The following SLC20A2 variants were observed in gnomAD, a reference collection of about 807,000 sequenced individuals.
The protein encoded by SLC20A2 is solute carrier family 20 member 2, also known as sodium-dependent phosphate transporter 2.
SLC20A2 carries 30 observed loss-of-function variants against 61.0 expected under a neutral mutation model. The ratio of observed to expected loss-of-function variants is 0.49; its 90% CI spans 0.37 to 0.67. The LOEUF (loss-of-function observed/expected upper bound fraction) is 0.67, where lower values mean the gene tolerates loss of function less well. Ranked by LOEUF, SLC20A2 falls within the 30% of genes least tolerant of loss-of-function variation. The pLI is 0.00. For missense variants in SLC20A2, 626 were observed against 866.4 expected (o/e 0.72, Z 3.48); for synonymous variants, 351 against 353.3 (o/e 0.99, Z 0.07).
At chr8:42,439,168 T>C (rs1456578984) in intron 7 of SLC20A2, among the ~76,000 whole-genome samples, 3 of 152,234 alleles carry the variant, frequency 2.0e-5, no homozygotes, top group African/African-American at 7.2e-5. Context: ...TCTGCATATG[T>C]AGCTGAGTGG....
intron 1 of SLC20A2, among the ~76,000 whole-genome samples, chr8:42,510,942 T>A (rs770642666): frequency 2.0e-5 from 3 of 152,044 alleles, no homozygotes; most frequent in African/African-American, 7.2e-5. Flanking sequence ...CTATATAAAG[T>A]AATGATGAAG....
chr8:42,454,867 G>A (rs1308451020), intron 5 of SLC20A2, among the ~76,000 whole-genome samples: 1 of 151,948 alleles, frequency 6.6e-6, no homozygotes, highest in Non-Finnish European at 1.5e-5. Flanking sequence ...ACCATGACCA[G>A]CCCAGATTTT....
In SLC20A2 at chr8:42,521,123, A is replaced by T. The variant is rs1228420851; in HGVS notation, c.-265+20698T>A. 3.3e-5 allele frequency among the ~76,000 whole-genome samples: 4 copies of T among 121,964 alleles called. 1 individual carries two copies. Among genetic ancestry groups the T allele is most frequent in the African/African-American group, 1.0e-4 (4 of 39,574 alleles). 80.0% of individuals were successfully genotyped at this position (121,964 alleles called of 152,430 possible). A position where few individuals can be genotyped will look rare whatever the true frequency, so the allele number is the denominator to read the frequency against. On this transcript the variant is annotated intron_variant, in intron 1 of 10. Coordinates refer to the SLC20A2 transcript ENST00000342228. ...ACTCTTCAGCATTTTTCCCACAGAAATGAAAACTTAGGTCCACAGAAAAAC... is the reference window on the plus strand; with the variant it reads ...ACTCTTCAGCATTTTTCCCACAGAATTGAAAACTTAGGTCCACAGAAAAAC...
intron 1 of SLC20A2, among the ~76,000 whole-genome samples, chr8:42,516,227 T>C (rs1811314646): frequency 6.6e-6 from 1 of 152,222 alleles, no homozygotes; most frequent in African/African-American, 2.4e-5. Context: ...AAATCGGTTA[T>C]TTTTCAATTC....
intron 1 of SLC20A2, among the ~76,000 whole-genome samples, chr8:42,532,427 AAAT>A (rs1316941433): frequency 2.0e-5 from 3 of 152,178 alleles, no homozygotes; most frequent in Admixed American, 6.6e-5. Context: ...ACAAACTCTT[AAAT>A]AAAGGGCTGA....
intron 5 of SLC20A2, among the ~76,000 whole-genome samples, chr8:42,451,396 G>A (rs1805631279): frequency 6.7e-6 from 1 of 148,852 alleles, no homozygotes; most frequent in Non-Finnish European, 1.5e-5. Context: ...AGGAGGAGGA[G>A]GAAGAGATAG....
At chr8:42,536,371 T>TGC (rs1024642712) in intron 1 of SLC20A2, 5 of 152,346 alleles carry the variant, frequency 3.3e-5, no homozygotes, top group Non-Finnish European at 7.3e-5. Context: ...CGTGTGTGTG[T>TGC]CCTCCCTGGC....
intron 6 of SLC20A2, among the ~76,000 whole-genome samples, chr8:42,444,361 T>A (rs1310905912): frequency 2.0e-5 from 3 of 152,226 alleles, no homozygotes; most frequent in Non-Finnish European, 4.4e-5. Context: ...TTAATTTGCA[T>A]TTCTATGAAG....
At chr8:42,514,583 C>G (rs1291523929) in intron 1 of SLC20A2, among the ~76,000 whole-genome samples, 4 of 151,922 alleles carry the variant, frequency 2.6e-5, no homozygotes, top group Admixed American at 2.0e-4. Context: ...CATGGTGAAA[C>G]CCCATCTCTA....
intron 1 of SLC20A2, among the ~76,000 whole-genome samples, chr8:42,496,454 C>T (rs1809934799): frequency 6.6e-6 from 1 of 152,104 alleles, no homozygotes; most frequent in African/African-American, 2.4e-5. Flanking sequence ...GAAGAGAGAG[C>T]AGAGAGATGA....
chr8:42,472,354 C>T lies in SLC20A2; in HGVS notation c.37G>A (p.Gly13Ser). ...GCCAAGATGAAAGCTATGATGAAACCCAAAATGACCATCCACAAATACTCA... is the reference window on the plus strand; with the variant it reads ...GCCAAGATGAAAGCTATGATGAAACTCAAAATGACCATCCACAAATACTCA... ...MDEYLWMVIL[G>S]FIIAFILAFS... Residue 13 changes from glycine (G) to serine (S), a missense_variant, in exon 2 of 11, where the codon GGT becomes AGT. Coordinates refer to ENST00000520262, the MANE Select transcript of SLC20A2 (RefSeq NM_001257180.2). The surrounding 1 kb of genome is among the most constrained non-coding windows in gnomAD (Gnocchi z 4.1). 4.3e-6 allele frequency: 7 copies of T among 1,614,030 alleles called. No homozygotes were observed. The highest frequency in any genetic ancestry group is 5.9e-6 in the Non-Finnish European group (7 of 1,179,966).
chr8:42,456,564 C>T (rs1806211995), intron 5 of SLC20A2, among the ~76,000 whole-genome samples: 1 of 152,016 alleles, frequency 6.6e-6, no homozygotes, highest in African/African-American at 2.4e-5. Flanking sequence ...AACCCCGTCT[C>T]TACTAAAAAT....
At chr8:42,528,044 A>G (rs902450276) in intron 1 of SLC20A2, among the ~76,000 whole-genome samples, 8 of 152,202 alleles carry the variant, frequency 5.3e-5, no homozygotes. Context: ...TTCTATTACC[A>G]CTAAGCACTG....
Position 42,472,500 on chromosome 8 carries a change from C to A in SLC20A2, c.-110G>T. On this transcript the variant is annotated 5_prime_UTR_variant, in exon 2 of 11. Coordinates refer to ENST00000520262, the MANE Select transcript of SLC20A2 (RefSeq NM_001257180.2). The surrounding 1 kb of genome is among the most constrained non-coding windows in gnomAD (Gnocchi z 4.1). ...AGAGTTCTTGTAAACAGTGAGTTTGCTCTGGAAAGTGCTGGACAATGTTAG... is the reference window on the plus strand; with the variant it reads ...AGAGTTCTTGTAAACAGTGAGTTTGATCTGGAAAGTGCTGGACAATGTTAG... The A allele has an allele frequency of 9.9e-7, 1 of 1,010,004 alleles. No homozygotes were observed. The highest frequency in any genetic ancestry group is 1.4e-6 in the Non-Finnish European group (1 of 695,408). The allele number at this position is 1,010,004 out of a possible 1,614,324, so 62.6% of individuals were successfully genotyped here.
chr8:42,464,077 G>A (rs1394473967), intron 3 of SLC20A2, among the ~76,000 whole-genome samples: 1 of 114,342 alleles, frequency 8.7e-6, no homozygotes, highest in Non-Finnish European at 2.0e-5. Flanking sequence ...CTTCCCAAAG[G>A]GCAGGCTGGA....
At chr8:42,503,629 C>T (rs377070545), upstream of SLC20A2, among the ~76,000 whole-genome samples, 3 of 152,156 alleles carry the variant, frequency 2.0e-5, no homozygotes, top group African/African-American at 7.2e-5. Flanking sequence ...AATGAGATAT[C>T]TTCATTCTTT....
At chr8:42,464,661 TA>T (rs1807011730) in intron 3 of SLC20A2, among the ~76,000 whole-genome samples, 1 of 152,152 alleles carries the variant, frequency 6.6e-6, no homozygotes, top group Admixed American at 6.5e-5. Context: ...CAGCACATAA[TA>T]GTTCACTATC....
intron 2 of SLC20A2, among the ~76,000 whole-genome samples, chr8:42,466,231 T>C (rs1586121673): frequency 6.6e-6 from 1 of 151,638 alleles, no homozygotes; most frequent in Non-Finnish European, 1.5e-5. Flanking sequence ...GCCTCCTGGG[T>C]TCAAGCAAGC....
intron 10 of SLC20A2, among the ~76,000 whole-genome samples, chr8:42,427,421 ACT>A (rs1803492019): frequency 6.6e-6 from 1 of 152,020 alleles, no homozygotes; most frequent in Non-Finnish European, 1.5e-5. Context: ...AAGCGGCTCA[ACT>A]CTGAGGGAAC....
Sources: allele counts gnomAD v4.1 joint callset (sites outside exome capture counted in the v4.1 genomes callset), GRCh38; gene constraint gnomAD v4.1.1; non-coding constraint Gnocchi (gnomAD v3.1); transcripts MANE v1.5; gene names NCBI Gene and HGNC (gene_info 2026-07-23, HGNC 2026-07-21).